Variants in TUSC3 observed in about 807,000 individuals in gnomAD.
The protein encoded by TUSC3 is dolichyl-diphosphooligosaccharide--protein glycosyltransferase subunit TUSC3.
TUSC3 carries 45 observed loss-of-function variants against 44.8 expected under a neutral mutation model. The ratio of observed to expected loss-of-function variants is 1.00; its 90% CI spans 0.79 to 1.29. The LOEUF (loss-of-function observed/expected upper bound fraction) is 1.29, where lower values mean the gene tolerates loss of function less well. Ranked by LOEUF, TUSC3 falls within the 50% of genes most tolerant of loss-of-function variation. TUSC3 has a pLI of 0.00. For missense variants in TUSC3, 519 were observed against 437.9 expected (o/e 1.19, Z -1.65); for synonymous variants, 212 against 152.9 (o/e 1.39, Z -2.85).
the TUSC3 span, among the ~76,000 whole-genome samples, chr8:15,839,990 A>C: frequency 6.6e-6 from 1 of 152,208 alleles, no homozygotes; most frequent in Non-Finnish European, 1.5e-5. Context: ...ATGTCCATCA[A>C]TGATAGACTG....
the TUSC3 span, among the ~76,000 whole-genome samples, chr8:15,820,311 T>A: frequency 3.4e-4 from 2 of 5,898 alleles, no homozygotes; most frequent in South Asian, 2.8e-3. Context: ...TCTGTAATTC[T>A]TTTTTTTTTT....
At chr8:15,502,548 T>C (rs1800981895) in intron 2 of TUSC3, among the ~76,000 whole-genome samples, 1 of 152,260 alleles carries the variant, frequency 6.6e-6, no homozygotes, top group Admixed American at 6.5e-5. Context: ...TGGAGTGCAG[T>C]GGCGCGATCT....
At chr8:15,625,964 T>C (rs1805489773) in intron 2 of TUSC3, among the ~76,000 whole-genome samples, 1 of 151,968 alleles carries the variant, frequency 6.6e-6, no homozygotes. Context: ...AAGGATAGAG[T>C]ATATATACCT....
At chr8:15,755,082 G>T (rs963914827) in intron 9 of TUSC3, among the ~76,000 whole-genome samples, 1 of 152,050 alleles carries the variant, frequency 6.6e-6, no homozygotes, top group South Asian at 2.1e-4. Flanking sequence ...AACAGTTTAC[G>T]TATGAATCTG....
At chr8:15,578,831 A>G (rs1451747248) in intron 1 of TUSC3, among the ~76,000 whole-genome samples, 10 of 152,114 alleles carry the variant, frequency 6.6e-5, no homozygotes, top group Non-Finnish European at 1.5e-4. Flanking sequence ...TGGCCCTCAT[A>G]AAATGAGTTA....
chr8:15,833,636 T>C, the TUSC3 span, among the ~76,000 whole-genome samples: 2 of 152,032 alleles, frequency 1.3e-5, no homozygotes, highest in Non-Finnish European at 2.9e-5. Flanking sequence ...AGCTAAATTA[T>C]GAGAACACAT....
At chr8:15,575,292 T>G (rs1803052993) in intron 1 of TUSC3, among the ~76,000 whole-genome samples, 1 of 152,192 alleles carries the variant, frequency 6.6e-6, no homozygotes, top group Admixed American at 6.5e-5. Flanking sequence ...GCCAATGTGT[T>G]GTATTAAGAT....
the TUSC3 span, among the ~76,000 whole-genome samples, chr8:15,846,716 T>C: frequency 3.3e-5 from 5 of 151,648 alleles, no homozygotes; most frequent in African/African-American, 1.2e-4. Flanking sequence ...TCAGGGCCTG[T>C]GGTGGGGTGA....
intron 2 of TUSC3, among the ~76,000 whole-genome samples, chr8:15,490,013 T>A (rs1347337572): frequency 6.6e-6 from 1 of 152,216 alleles, no homozygotes; most frequent in Admixed American, 6.5e-5. Context: ...TTTTGTGTTG[T>A]TTTACTAGGA....
At chr8:15,845,971 T>TGG in the TUSC3 span, among the ~76,000 whole-genome samples, 4 of 152,114 alleles carry the variant, frequency 2.6e-5, no homozygotes, top group African/African-American at 9.7e-5. Flanking sequence ...GAAAGGCACT[T>TGG]CTTACATCAT....
At chr8:15,807,115 C>A in the TUSC3 span, 1 of 1,142,600 alleles carries the variant, frequency 8.8e-7, no homozygotes. Flanking sequence ...TTATACACAG[C>A]AAAGAATGAC....
chr8:15,727,596 A>G (rs2129206882), intron 6 of TUSC3, among the ~76,000 whole-genome samples: 2 of 152,318 alleles, frequency 1.3e-5, no homozygotes, highest in South Asian at 4.1e-4. Context: ...CAAAAAAAGA[A>G]GTACAAAAGT....
rs73526629 is a variant in TUSC3, at chr8:15,627,602, G to A, written c.308+4353G>A. On this transcript the variant is annotated intron_variant, in intron 2 of 10. Coordinates refer to ENST00000503731, the MANE Select transcript of TUSC3 (RefSeq NM_006765.4). Reference sequence around the variant, plus strand: ...GAGCCCAGACCTGGGAGCTTCCTGAGCCAGGGCTGTGACTCCCTTTTTGGG... The same window carrying A: ...GAGCCCAGACCTGGGAGCTTCCTGAACCAGGGCTGTGACTCCCTTTTTGGG... Among the ~76,000 whole-genome samples the A allele has an allele frequency of 3.3e-5, 5 of 152,252 alleles. No homozygotes were observed. In the East Asian group the frequency reaches 7.7e-4, roughly 23 times the overall value.
intron 1 of TUSC3, among the ~76,000 whole-genome samples, chr8:15,581,802 C>T (rs1210326421): frequency 7.5e-6 from 1 of 133,760 alleles, no homozygotes; most frequent in Non-Finnish European, 1.6e-5. Context: ...AGAGGTGGAG[C>T]CTACAGAGGC....
At chr8:15,499,172 C>T (rs1243292097) in intron 2 of TUSC3, among the ~76,000 whole-genome samples, 4 of 152,130 alleles carry the variant, frequency 2.6e-5, no homozygotes, top group Non-Finnish European at 4.4e-5. Flanking sequence ...TGCCAAGCCC[C>T]ACTAGCCTCT....
the TUSC3 span, among the ~76,000 whole-genome samples, chr8:15,816,511 C>G: frequency 6.6e-6 from 1 of 152,146 alleles, no homozygotes; most frequent in Non-Finnish European, 1.5e-5. Context: ...GCATAGGTGA[C>G]TGCCAGCAAT....
chr8:15,484,178 G>C (rs980914840), intron 2 of TUSC3, among the ~76,000 whole-genome samples: 1 of 152,052 alleles, frequency 6.6e-6, no homozygotes, highest in South Asian at 2.1e-4. Context: ...TCTATTTTTA[G>C]TGAGATTTTT....
intron 1 of TUSC3, among the ~76,000 whole-genome samples, chr8:15,587,508 A>G (rs529578495): frequency 1.3e-5 from 2 of 152,290 alleles, no homozygotes; most frequent in East Asian, 1.9e-4. Flanking sequence ...CCAATGTGCA[A>G]TGATCAAATC....
chr8:15,722,531 A>G (rs1041969489), intron 6 of TUSC3, among the ~76,000 whole-genome samples: 1 of 152,084 alleles, frequency 6.6e-6, no homozygotes, highest in Non-Finnish European at 1.5e-5. Context: ...CATGCCTCTT[A>G]TAGTATTCTA....
Sources: allele counts gnomAD v4.1 joint callset (sites outside exome capture counted in the v4.1 genomes callset), GRCh38; gene constraint gnomAD v4.1.1; transcripts MANE v1.5; gene names NCBI Gene and HGNC (gene_info 2026-07-23, HGNC 2026-07-21).